ANK3: variants seen among roughly 807,000 people sequenced by gnomAD.
ANK3 encodes the protein ankyrin 3, also known as ankyrin-3.
ANK3 carries 57 observed loss-of-function variants against 370.9 expected under a neutral mutation model. The observed-to-expected ratio is 0.15, with a 90% CI of 0.12 to 0.19. The LOEUF (loss-of-function observed/expected upper bound fraction) is 0.19, where lower values mean the gene tolerates loss of function less well. ANK3 is among the 10% of genes least tolerant of loss of function. ANK3 has a pLI of 1.00. For synonymous variants in ANK3, 1,929 were observed against 1,946.3 expected, an observed-to-expected ratio of 0.99 and a Z score of 0.23; for missense variants, 4,439 against 5,302.1, an observed-to-expected ratio of 0.84 and a Z score of 5.06.
intron 2 of ANK3, among the ~76,000 whole-genome samples, chr10:60,543,845 G>A (rs1316720444): frequency 6.6e-6 from 1 of 152,006 alleles, no homozygotes; most frequent in Non-Finnish European, 1.5e-5. Context: ...CCAGCATGGT[G>A]CTTTCCCTAG....
At chr10:60,644,850 A>AAAAAAG (rs1435782289) in intron 1 of ANK3, among the ~76,000 whole-genome samples, 2 of 147,948 alleles carry the variant, frequency 1.4e-5, no homozygotes. Flanking sequence ...AAAGAAAAAA[A>AAAAAAG]AAGCTGAGAT....
At chr10:60,623,505 C>T (rs1269706641) in intron 1 of ANK3, among the ~76,000 whole-genome samples, 4 of 152,076 alleles carry the variant, frequency 2.6e-5, no homozygotes, top group African/African-American at 9.7e-5. Context: ...ACCACTTTGA[C>T]ATTTTGTTAG....
In ANK3 at chr10:60,069,895, T is replaced by A. The variant is rs770024028; in HGVS notation, c.10986A>T (p.Ser3662=). Residue 3662 remains serine (S), a synonymous_variant, in exon 37 of 44, where the codon TCA becomes TCT. Transcript: ENST00000280772. ...GATTGGTTTCTACAGTGGTGTCCCCTGACTGTGGCTGTGGTGTGGCAGTGA... is the reference window on the plus strand; with the variant it reads ...GATTGGTTTCTACAGTGGTGTCCCCAGACTGTGGCTGTGGTGTGGCAGTGA... ...SMVTATPQPQ[S]GDTTVETNLE... is the part of the protein sequence containing the mutation. 6.2e-6 allele frequency: 10 copies of A among 1,613,876 alleles called. No homozygotes were observed.
intron 1 of ANK3, among the ~76,000 whole-genome samples, chr10:60,327,220 C>T (rs758972544): frequency 2.0e-5 from 3 of 152,108 alleles, no homozygotes; most frequent in South Asian, 2.1e-4. Context: ...CCTATTCTTT[C>T]GTAGGTTCTT....
At chr10:60,336,349 T>C (rs971954065) in intron 1 of ANK3, among the ~76,000 whole-genome samples, 2 of 152,140 alleles carry the variant, frequency 1.3e-5, no homozygotes, top group East Asian at 3.9e-4. Context: ...CAGATTTCAC[T>C]TTCTCATAAC....
chr10:60,451,125 T>C (rs2064589927), intron 2 of ANK3, among the ~76,000 whole-genome samples: 1 of 152,104 alleles, frequency 6.6e-6, no homozygotes, highest in Non-Finnish European at 1.5e-5. Flanking sequence ...GTGATGCATC[T>C]GCAAGCCAAG....
intron 1 of ANK3, among the ~76,000 whole-genome samples, chr10:60,382,859 A>G (rs1260312719): frequency 1.4e-5 from 2 of 145,080 alleles, no homozygotes; most frequent in Non-Finnish European, 3.1e-5. Flanking sequence ...CAGTAAATGG[A>G]TTCTATTTTA....
chr10:60,246,511 A>G (rs146455832), intron 7 of ANK3, among the ~76,000 whole-genome samples: 1 of 152,286 alleles, frequency 6.6e-6, no homozygotes, highest in Non-Finnish European at 1.5e-5. Flanking sequence ...GATGCCAATG[A>G]CATTTCCTTA....
chr10:60,706,798 G>A (rs945640716), intron 1 of ANK3, among the ~76,000 whole-genome samples: 1 of 152,062 alleles, frequency 6.6e-6, no homozygotes, highest in African/African-American at 2.4e-5. Context: ...AATTGTTCAG[G>A]TTTATTAGAC....
At chr10:60,578,580 C>T (rs1163161681) in intron 2 of ANK3, among the ~76,000 whole-genome samples, 1 of 152,186 alleles carries the variant, frequency 6.6e-6, no homozygotes, top group East Asian at 1.9e-4. Flanking sequence ...ATTAAAATGA[C>T]TAAGAACTAA....
intron 1 of ANK3, among the ~76,000 whole-genome samples, chr10:60,351,366 A>G (rs968733061): frequency 6.6e-6 from 1 of 152,162 alleles, no homozygotes; most frequent in Non-Finnish European, 1.5e-5. Context: ...GCCCATAACC[A>G]GTCAATAACC....
chr10:60,470,466 CTT>C (rs33921775), intron 2 of ANK3, among the ~76,000 whole-genome samples: 31 of 61,896 alleles, frequency 5.0e-4, no homozygotes, highest in African/African-American at 2.0e-3. Context: ...ATTTTATACT[CTT>C]TTTTTGAAAC....
chr10:60,335,047 C>G (rs949374378), intron 1 of ANK3, among the ~76,000 whole-genome samples: 1 of 152,054 alleles, frequency 6.6e-6, no homozygotes, highest in African/African-American at 2.4e-5. Flanking sequence ...GCTAGGTCCT[C>G]TATTTCAACT....
intron 2 of ANK3, among the ~76,000 whole-genome samples, chr10:60,552,378 T>A (rs1036756332): frequency 1.3e-5 from 2 of 152,220 alleles, no homozygotes; most frequent in Non-Finnish European, 2.9e-5. Flanking sequence ...TTTCACAACC[T>A]ACTAAAATAT....
intron 26 of ANK3, among the ~76,000 whole-genome samples, chr10:60,110,479 G>T (rs1438129800): frequency 6.6e-6 from 1 of 152,018 alleles, no homozygotes; most frequent in Non-Finnish European, 1.5e-5. Flanking sequence ...GGACCACTAC[G>T]ATAATCAAGG....
At chr10:60,725,572 C>T (rs1205843438) in intron 1 of ANK3, among the ~76,000 whole-genome samples, 1 of 152,138 alleles carries the variant, frequency 6.6e-6, no homozygotes, top group Non-Finnish European at 1.5e-5. Flanking sequence ...TACTTCTTAG[C>T]TCCCTAAGAA....
At position 60,470,732 on chromosome 10, in the gene ANK3, T is replaced by C. The variant is rs144119135; in HGVS notation, c.96+144454A>G. On this transcript the variant is annotated intron_variant, in intron 2 of 43. Transcript: ENST00000373827. ...AACAAAGAACCACACAGACCAATAG[T>C]TGGGAGTGGGAGGAAATGGAATAGC... Among the ~76,000 whole-genome samples, 145 of 152,120 alleles carry C rather than the reference T, an allele frequency of 9.5e-4. 1 individual carries two copies. Among genetic ancestry groups the C allele is most frequent in the South Asian group, 4.2e-3 (20 of 4,812 alleles).
chr10:60,502,776 AAAAG>A lies in ANK3; in HGVS notation c.96+112406_96+112409del, dbSNP rs1413623620. ...AGAGAGAGAGAAAGAAAAAAGAAAG[AAAAG>A]AAAGAAAGAAAAAAGAAAAGAAAGA... On this transcript the variant is annotated intron_variant, in intron 2 of 43. Transcript: ENST00000373827. Among the ~76,000 whole-genome samples the A allele has an allele frequency of 2.9e-3, 436 of 150,438 alleles. 4 individuals are homozygous for A. Among genetic ancestry groups the A allele is most frequent in the Admixed American group, 4.6e-3 (69 of 15,000 alleles).
chr10:60,550,644 T>C (rs2077069229), intron 2 of ANK3, among the ~76,000 whole-genome samples: 1 of 152,072 alleles, frequency 6.6e-6, no homozygotes, highest in Non-Finnish European at 1.5e-5. Context: ...AGCATGAAAG[T>C]ATAAACATTA....
Sources: gnomAD v4.1 joint callset for allele counts (sites outside exome capture counted in the v4.1 genomes callset) on GRCh38, gnomAD v4.1.1 for gene constraint, MANE v1.5 for transcripts, NCBI Gene and HGNC (gene_info 2026-07-23, HGNC 2026-07-21) for gene names.